RGS13: variants seen among roughly 807,000 people sequenced by gnomAD.
The protein encoded by RGS13 is regulator of G-protein signalling 13.
In RGS13, 14 loss-of-function variants were observed where a neutral mutation model predicts 19.9. The observed-to-expected ratio is 0.70, with a 90% CI of 0.46 to 1.10. The LOEUF (loss-of-function observed/expected upper bound fraction) is 1.10, where lower values mean the gene tolerates loss of function less well. Ranked by LOEUF, RGS13 falls within the 50% of genes least tolerant of loss-of-function variation. The pLI is 0.00. For synonymous variants in RGS13, 60 were observed against 56.8 expected (o/e 1.06, Z -0.25); for missense variants, 205 against 187.1 (o/e 1.10, Z -0.56).
chr1:192,651,633 G>GA (rs901080891), intron 5 of RGS13, among the ~76,000 whole-genome samples: 3 of 148,950 alleles, frequency 2.0e-5, no homozygotes, highest in Non-Finnish European at 2.9e-5. Context: ...GAGGGAACCA[G>GA]AAAAAAAATT....
At chr1:192,658,394 G>A in intron 6 of RGS13, 27 bp downstream of exon 6, 2 of 1,597,122 alleles carry the variant, frequency 1.3e-6, no homozygotes, top group East Asian at 2.2e-5. Context: ...GACAGGAATG[G>A]AAATCAGTTC....
At chr1:192,655,523 A>G (rs778804427) in intron 5 of RGS13, among the ~76,000 whole-genome samples, 83 of 152,138 alleles carry the variant, frequency 5.5e-4, no homozygotes, top group Non-Finnish European at 4.9e-4. Flanking sequence ...ATAGAACCAC[A>G]TGATAGTTCT....
chr1:192,644,558 C>T, intron 4 of RGS13, 159 bp downstream of exon 4: 1 of 574,498 alleles, frequency 1.7e-6, no homozygotes, highest in Non-Finnish European at 3.1e-6. Flanking sequence ...TCATATGTTA[C>T]TAAGATTCTT....
intron 4 of RGS13, chr1:192,645,971 A>G (rs1228042303): frequency 1.3e-5 from 2 of 152,200 alleles, no homozygotes; most frequent in African/African-American, 4.8e-5. Flanking sequence ...TATAATGGGA[A>G]TGATTAGAAC....
Position 192,659,524 on chromosome 1 carries a change from C to T in RGS13, c.*1C>T, listed in dbSNP as rs1277122920. 1 of 1,599,566 alleles carries T rather than the reference C, an allele frequency of 6.3e-7. No individual in the cohort carries two copies. Among genetic ancestry groups the T allele is most frequent in the Non-Finnish European group, 8.5e-7 (1 of 1,173,512 alleles). Reference sequence around the variant, plus strand: ...TATGCAGTCCAACAACAGTTTCTGACTACAACTCAAAAGTTTAAATAGAAA... The same window carrying T: ...TATGCAGTCCAACAACAGTTTCTGATTACAACTCAAAAGTTTAAATAGAAA... On this transcript the variant is annotated 3_prime_UTR_variant, in exon 7 of 7. Coordinates refer to ENST00000391995, the MANE Select transcript of RGS13 (RefSeq NM_002927.5).
At position 192,659,630 on chromosome 1, in the gene RGS13, A is replaced by G. The variant is rs925438085; in HGVS notation, c.*107A>G. On this transcript the variant is annotated 3_prime_UTR_variant, in exon 7 of 7. Coordinates refer to ENST00000391995, the MANE Select transcript of RGS13 (RefSeq NM_002927.5). ...GAAACACAGTACAAATAAAACAGAA[A>G]TCAAACTATAAGTTGACTTTTAGTT... The G allele has an allele frequency of 3.9e-6, 3 of 771,964 alleles. No homozygotes were observed. The highest frequency in any genetic ancestry group is 6.2e-6 in the Non-Finnish European group (3 of 481,974). 47.8% of individuals were successfully genotyped at this position (771,964 alleles called of 1,614,324 possible). A position where few individuals can be genotyped will look rare whatever the true frequency, so the allele number is the denominator to read the frequency against.
chr1:192,637,024 T>A (rs924536561), intron 1 of RGS13, among the ~76,000 whole-genome samples: 2 of 151,998 alleles, frequency 1.3e-5, no homozygotes, highest in African/African-American at 4.8e-5. Context: ...TTTATTTTCA[T>A]AATACTTTAA....
At chr1:192,652,602 AT>A (rs553757326) in intron 5 of RGS13, among the ~76,000 whole-genome samples, 37 of 150,460 alleles carry the variant, frequency 2.5e-4, no homozygotes, top group Middle Eastern at 3.5e-3. Flanking sequence ...CAATTAGTAC[AT>A]TTTTTTTTTG....
At chr1:192,643,744 G>A (rs989913314) in intron 3 of RGS13, among the ~76,000 whole-genome samples, 1 of 152,130 alleles carries the variant, frequency 6.6e-6, no homozygotes, top group Non-Finnish European at 1.5e-5. Flanking sequence ...GGGCCCAGGA[G>A]TTTGAGACCA....
chr1:192,652,408 A>G (rs908345790), intron 5 of RGS13, among the ~76,000 whole-genome samples: 13 of 151,998 alleles, frequency 8.6e-5, no homozygotes, highest in Admixed American at 7.2e-4. Context: ...TTCCTACACT[A>G]TCACTTATTC....
intron 5 of RGS13, among the ~76,000 whole-genome samples, chr1:192,653,909 A>G (rs1231715761): frequency 6.7e-6 from 1 of 150,280 alleles, no homozygotes; most frequent in Non-Finnish European, 1.5e-5. Flanking sequence ...CAACGAGAAC[A>G]GTTGGACACA....
chr1:192,658,707 C>A, intron 6 of RGS13: 1 of 205,062 alleles, frequency 4.9e-6, no homozygotes, highest in Non-Finnish European at 9.9e-6. Context: ...CTATAAATAT[C>A]ATGAAGAGAC....
chr1:192,647,979 C>A lies in RGS13; in HGVS notation c.119C>A (p.Ala40Asp). ...QWAQSFENLM[A>D]TKYGPVVYAA... The stretch of plus-strand genomic sequence containing the variant: ...GCCCAGTCTTTTGAAAATTTAATGG[C>A]TACAAAATGTGAGTATTGCGTATCT... The change falls in exon 5 of 7, where the codon GCT becomes GAT. Residue 40 changes from alanine (A) to aspartate (D), a missense_variant. Coordinates refer to ENST00000391995, the MANE Select transcript of RGS13 (RefSeq NM_002927.5). The A allele has an allele frequency of 6.3e-7, 1 of 1,593,912 alleles. No homozygotes were observed. Among genetic ancestry groups the A allele is most frequent in the Non-Finnish European group, 8.6e-7 (1 of 1,167,826 alleles).
chr1:192,644,446 A>G (rs765005995), intron 4 of RGS13, 47 bp downstream of exon 4: 4 of 1,369,822 alleles, frequency 2.9e-6, no homozygotes, highest in Admixed American at 3.5e-5. Flanking sequence ...CATATTTATC[A>G]GATGATAAAT....
At chr1:192,645,140 A>G (rs1484567985) in intron 4 of RGS13, 1 of 152,294 alleles carries the variant, frequency 6.6e-6, no homozygotes, top group Non-Finnish European at 1.5e-5. Flanking sequence ...AGTAAGACCC[A>G]AAGCTCAGCA....
chr1:192,636,507 T>C, intron 1 of RGS13, among the ~76,000 whole-genome samples, 190 bp downstream of exon 1: 1 of 151,966 alleles, frequency 6.6e-6, no homozygotes, highest in East Asian at 1.9e-4. Context: ...AAACTTAGAG[T>C]CACTCCTTAT....
intron 5 of RGS13, among the ~76,000 whole-genome samples, chr1:192,655,322 A>G (rs1225740245): frequency 6.6e-6 from 1 of 152,170 alleles, no homozygotes; most frequent in Non-Finnish European, 1.5e-5. Flanking sequence ...AGCTTTCGCT[A>G]GTCATCACAT....
At position 192,659,745 on chromosome 1, in the gene RGS13, T is replaced by C. The variant is rs2102040890; in HGVS notation, c.*222T>C. The C allele has an allele frequency of 2.5e-6, 1 of 400,306 alleles. No homozygotes were observed. The highest frequency in any genetic ancestry group is 6.4e-4 in the Middle Eastern group (1 of 1,564). The allele number at this position is 400,306 out of a possible 1,614,324, so 24.8% of individuals were successfully genotyped here. Reference sequence around the variant, plus strand: ...GTACAGCAAGCCTATGTAGTTCAATTAATATATAAGGAAAAGGAAGGTCTT... The same window carrying C: ...GTACAGCAAGCCTATGTAGTTCAATCAATATATAAGGAAAAGGAAGGTCTT... On this transcript the variant is annotated 3_prime_UTR_variant, in exon 7 of 7. Transcript: ENST00000391995.
intron 4 of RGS13, 27 bp downstream of exon 4, chr1:192,644,426 A>G: frequency 6.8e-7 from 1 of 1,480,494 alleles, no homozygotes; most frequent in Non-Finnish European, 9.4e-7. Flanking sequence ...TTTCTATGGT[A>G]ATTGTAAAGC....
Sources: allele counts gnomAD v4.1 joint callset (sites outside exome capture counted in the v4.1 genomes callset), GRCh38; gene constraint gnomAD v4.1.1; transcripts MANE v1.5; gene names NCBI Gene and HGNC (gene_info 2026-07-23, HGNC 2026-07-21).